The following CDH9 variants were observed in gnomAD, a reference collection of about 807,000 sequenced individuals.
CDH9 encodes cadherin 9.
CDH9 carries 28 observed loss-of-function variants against 70.9 expected under a neutral mutation model. The observed-to-expected ratio is 0.40, with a 90% CI of 0.29 to 0.54. The LOEUF is 0.54. Among genes scored for constraint, CDH9 ranks in the 20% least tolerant of loss-of-function variants. The probability of loss-of-function intolerance (pLI) is 0.59; values close to 1 mark genes in which losing one functional copy is unlikely to be tolerated. For missense variants in CDH9, 874 were observed against 984.4 expected, an observed-to-expected ratio of 0.89 and a Z score of 1.50; for synonymous variants, 409 against 343.1, an observed-to-expected ratio of 1.19 and a Z score of -2.12.
At chr5:26,978,823 C>T (rs1742347694) in intron 2 of CDH9, among the ~76,000 whole-genome samples, 1 of 151,654 alleles carries the variant, frequency 6.6e-6, no homozygotes, top group Non-Finnish European at 1.5e-5. Flanking sequence ...TAATATAATT[C>T]ACAATACAAT....
chr5:26,937,131 A>G (rs1240038031), intron 2 of CDH9, among the ~76,000 whole-genome samples: 2 of 152,192 alleles, frequency 1.3e-5, no homozygotes, highest in African/African-American at 4.8e-5. Context: ...TTAGCCAAAC[A>G]CACATGTGGC....
intron 2 of CDH9, among the ~76,000 whole-genome samples, chr5:26,960,979 C>T (rs1742025606): frequency 6.6e-6 from 1 of 151,986 alleles, no homozygotes; most frequent in South Asian, 2.1e-4. Flanking sequence ...CCAATTTATG[C>T]TTTGGTAAGA....
chr5:26,961,935 T>A (rs1409171549), intron 2 of CDH9, among the ~76,000 whole-genome samples: 2 of 152,226 alleles, frequency 1.3e-5, no homozygotes, highest in Non-Finnish European at 2.9e-5. Context: ...CATCAACTCA[T>A]CATTTACATT....
intron 2 of CDH9, among the ~76,000 whole-genome samples, chr5:26,952,939 G>A (rs1741879932): frequency 1.4e-5 from 2 of 143,776 alleles, no homozygotes; most frequent in African/African-American, 2.6e-5. Flanking sequence ...AGAGAATACA[G>A]TCAAAGTTGA....
chr5:26,947,295 C>G (rs535177204), intron 2 of CDH9, among the ~76,000 whole-genome samples: 2 of 152,210 alleles, frequency 1.3e-5, no homozygotes, highest in East Asian at 3.9e-4. Flanking sequence ...AGCTAAATTT[C>G]TATTCATAGA....
intron 1 of CDH9, among the ~76,000 whole-genome samples, chr5:27,025,595 C>A (rs1301833395): frequency 6.6e-6 from 1 of 151,998 alleles, no homozygotes; most frequent in Admixed American, 6.6e-5. Context: ...TGCAAGACAA[C>A]AAACAGTTTC....
At chr5:26,925,755 G>C (rs1295140136) in intron 2 of CDH9, among the ~76,000 whole-genome samples, 3 of 152,004 alleles carry the variant, frequency 2.0e-5, no homozygotes, top group Non-Finnish European at 4.4e-5. Flanking sequence ...TCCAGTTGCA[G>C]TTTTCTACAT....
intron 2 of CDH9, among the ~76,000 whole-genome samples, chr5:26,980,055 G>C (rs903856462): frequency 9.9e-5 from 15 of 151,758 alleles, no homozygotes; most frequent in African/African-American, 3.6e-4. Flanking sequence ...TACCCAGCAA[G>C]TATGTAATAA....
At chr5:26,909,620 T>C (rs894312325) in intron 3 of CDH9, among the ~76,000 whole-genome samples, 7 of 151,400 alleles carry the variant, frequency 4.6e-5, no homozygotes, top group Admixed American at 2.6e-4. Flanking sequence ...TGTGCCATGC[T>C]GGTGCGCTGC....
In CDH9 at chr5:26,915,919, G is replaced by T. The variant is rs761679117; in HGVS notation, c.234C>A (p.His78Gln). 5.0e-6 allele frequency: 8 copies of T among 1,601,330 alleles called. No homozygotes were observed. Among genetic ancestry groups the T allele is most frequent in the Non-Finnish European group, 6.8e-6 (8 of 1,171,890 alleles). ...TTCCATCTCCTTTATCTTGGTCAGT[G>T]TGAAGCTTTAGAGAGGTAGAAAAGA... ...GTDTQYVGKLHTDQDKGDGNL... is the reference protein window; with the variant it reads ...GTDTQYVGKLQTDQDKGDGNL... Residue 78 changes from histidine to glutamine, a missense_variant, in exon 3 of 12, where the codon CAC becomes CAA. By Grantham distance (24) the His-to-Gln change is conservative (BLOSUM62 0). Transcript: ENST00000231021.
chr5:26,998,062 A>G (rs187009782), intron 1 of CDH9, among the ~76,000 whole-genome samples: 13 of 152,300 alleles, frequency 8.5e-5, no homozygotes, highest in Non-Finnish European at 1.9e-4. Context: ...CAAAATATAT[A>G]ATATGGAGCA....
At chr5:27,016,039 G>T (rs527662729) in intron 1 of CDH9, among the ~76,000 whole-genome samples, 1 of 151,834 alleles carries the variant, frequency 6.6e-6, no homozygotes, top group East Asian at 1.9e-4. Flanking sequence ...TTATTAGTGA[G>T]ATAATCTATC....
At position 26,893,401 on chromosome 5, in the gene CDH9, C is replaced by T. The variant is rs1162286295; in HGVS notation, c.1254-2837G>A. ...TTACCTCACTCCCAGTACATGGAAC[C>T]AGTTCAGTTGTCTCTGTTTTGTCAT... On this transcript the variant is annotated intron_variant, in intron 7 of 11. Coordinates refer to ENST00000231021, the MANE Select transcript of CDH9 (RefSeq NM_016279.4). Among the ~76,000 whole-genome samples the T allele has an allele frequency of 6.6e-5, 10 of 152,182 alleles. No homozygotes were observed. The South Asian group carries it at 1.9e-3, about 28-fold the overall frequency.
intron 5 of CDH9, among the ~76,000 whole-genome samples, chr5:26,905,594 A>G (rs1225197994): frequency 6.6e-6 from 1 of 152,158 alleles, no homozygotes; most frequent in Non-Finnish European, 1.5e-5. Context: ...CAGACATGAG[A>G]GCCCACCCTC....
intron 2 of CDH9, among the ~76,000 whole-genome samples, chr5:26,984,132 T>C (rs1310089682): frequency 6.6e-6 from 1 of 152,120 alleles, no homozygotes; most frequent in Non-Finnish European, 1.5e-5. Context: ...CTAGAATCTA[T>C]GATTACATTC....
At chr5:26,916,797 G>A (rs911831729) in intron 2 of CDH9, among the ~76,000 whole-genome samples, 2 of 151,964 alleles carry the variant, frequency 1.3e-5, no homozygotes, top group Admixed American at 6.5e-5. Flanking sequence ...TTTTCTATAC[G>A]ACTCTGAGAG....
At chr5:26,982,457 T>A (rs967631581) in intron 2 of CDH9, among the ~76,000 whole-genome samples, 1 of 152,176 alleles carries the variant, frequency 6.6e-6, no homozygotes, top group Non-Finnish European at 1.5e-5. Flanking sequence ...AAATTTTCTC[T>A]GCTTTTTCTA....
intron 1 of CDH9, among the ~76,000 whole-genome samples, chr5:27,032,005 C>G (rs1209147402): frequency 6.6e-6 from 1 of 151,736 alleles, no homozygotes; most frequent in African/African-American, 2.4e-5. Context: ...ACATATTTAG[C>G]TATTGAAAAA....
chr5:26,909,548 T>A (rs954912466), intron 3 of CDH9, among the ~76,000 whole-genome samples: 13 of 150,330 alleles, frequency 8.6e-5, no homozygotes, highest in African/African-American at 2.9e-4. Flanking sequence ...TTTTTTTTTT[T>A]ATTATACTTT....
Sources: gnomAD v4.1 joint callset for allele counts (sites outside exome capture counted in the v4.1 genomes callset) on GRCh38, gnomAD v4.1.1 for gene constraint, MANE v1.5 for transcripts, NCBI Gene and HGNC (gene_info 2026-07-23, HGNC 2026-07-21) for gene names.